Variants in PIK3R3 observed in about 807,000 individuals in gnomAD.
The protein encoded by PIK3R3 is phosphoinositide-3-kinase regulatory subunit 3.
PIK3R3 carries 64 observed loss-of-function variants against 62.9 expected under a neutral mutation model. The observed-to-expected ratio is 1.02, with a 90% CI of 0.83 to 1.25. The LOEUF is 1.25. Ranked by LOEUF, PIK3R3 falls within the 50% of genes most tolerant of loss-of-function variation. PIK3R3 has a pLI of 0.00. For missense variants in PIK3R3, 614 were observed against 561.6 expected (o/e 1.09, Z -0.94); for synonymous variants, 165 against 189.0 (o/e 0.87, Z 1.04).
At chr1:46,071,761 C>CGAGCGA (rs1474763937) in intron 3 of PIK3R3, among the ~76,000 whole-genome samples, 3 of 112,618 alleles carry the variant, frequency 2.7e-5, no homozygotes, top group African/African-American at 7.2e-5. Context: ...AGAGAGAGAG[C>CGAGCGA]GCGCGCCTGA....
intron 5 of PIK3R3, among the ~76,000 whole-genome samples, chr1:46,063,376 T>C (rs1351147239): frequency 6.6e-6 from 1 of 152,226 alleles, no homozygotes; most frequent in Non-Finnish European, 1.5e-5. Context: ...TAAGATTACA[T>C]CATATGTATC....
chr1:46,078,704 A>G (rs1266213754), intron 2 of PIK3R3, among the ~76,000 whole-genome samples: 1 of 152,234 alleles, frequency 6.6e-6, no homozygotes, highest in Non-Finnish European at 1.5e-5. Context: ...TAATTGCAGC[A>G]TTATTTACAA....
Position 46,043,841 on chromosome 1 carries a change from G to T in PIK3R3, c.1218C>A (p.Ile406=). 6.2e-7 allele frequency: 1 copy of T among 1,613,988 alleles called. No homozygotes were observed. Among genetic ancestry groups the T allele is most frequent in the Non-Finnish European group, 8.5e-7 (1 of 1,179,958 alleles). ...VADGEVKHCV[I]YSTARGYGFA... ...AGCCATAGCCCCGAGCAGTGCTGTA[G>T]ATCACACAGTGCTTCACTTCCCCAT... Residue 406 remains isoleucine (I), a synonymous_variant, in exon 10 of 10, where the codon ATC becomes ATA. Transcript: ENST00000262741.
At chr1:46,110,869 G>GT (rs1296893080) in intron 1 of PIK3R3, among the ~76,000 whole-genome samples, 26 of 117,420 alleles carry the variant, frequency 2.2e-4, no homozygotes, top group African/African-American at 5.7e-4. Context: ...AGAAAAAGTT[G>GT]GTTTTTTTTT....
Position 46,041,398 on chromosome 1 carries a change from GA to G in PIK3R3, c.*2274del. On this transcript the variant is annotated 3_prime_UTR_variant, in exon 10 of 10. Transcript: ENST00000262741. ...AAAAAAAATGAAGGAATGTAGGACT[GA>G]AAAAAAGCAGCCCTTCTCCACAAGC... 1.2e-5 allele frequency: 2 copies of G among 172,640 alleles called. No individual in the cohort carries two copies. Among genetic ancestry groups the G allele is most frequent in the East Asian group, 1.1e-4 (1 of 9,452 alleles). 10.7% of individuals were successfully genotyped at this position (172,640 alleles called of 1,614,324 possible).
At position 46,132,594 on chromosome 1, in the gene PIK3R3, C is replaced by G. The variant is rs1008120195; in HGVS notation, c.-642G>C. 3 of 1,288,960 alleles carry G rather than the reference C, an allele frequency of 2.3e-6. No homozygotes were observed. 79.8% of individuals were successfully genotyped at this position (1,288,960 alleles called of 1,614,324 possible). On this transcript the variant is annotated 5_prime_UTR_variant, in exon 1 of 10. Coordinates refer to ENST00000262741, the MANE Select transcript of PIK3R3 (RefSeq NM_003629.4). Reference sequence around the variant, plus strand: ...GGCGCTCCCGCCGGGGTGTAAGAACCAACCCGACCGCACCAACTGCCCTCA... The same window carrying G: ...GGCGCTCCCGCCGGGGTGTAAGAACGAACCCGACCGCACCAACTGCCCTCA...
chr1:46,165,708 G>T, the PIK3R3 span, among the ~76,000 whole-genome samples: 1 of 138,788 alleles, frequency 7.2e-6, no homozygotes, highest in Non-Finnish European at 1.6e-5. Flanking sequence ...TGAAACCCAG[G>T]TCTATTTATT....
chr1:46,066,175 T>G lies in PIK3R3; in HGVS notation c.500A>C (p.Gln167Pro). ...ATCAATATTATCTTCTTTTACCAAC[T>G]GATCCTATACAGGTAAAGAAAAAAA... is the stretch of plus-strand genomic sequence containing the variant. ...MYPVSRYQQDQLVKEDNIDAV... is the reference protein window; with the variant it reads ...MYPVSRYQQDPLVKEDNIDAV... The change falls in exon 5 of 10, where the codon CAG (glutamine) becomes CCG (proline). Residue 167 changes from glutamine (Q) to proline (P), a missense_variant. By Grantham distance (76) the Gln-to-Pro change is moderately conservative. Coordinates refer to ENST00000262741, the MANE Select transcript of PIK3R3 (RefSeq NM_003629.4). 1 of 1,568,934 alleles carries G rather than the reference T, an allele frequency of 6.4e-7. No individual in the cohort carries two copies. Among genetic ancestry groups the G allele is most frequent in the Non-Finnish European group, 8.8e-7 (1 of 1,140,264 alleles).
At chr1:46,063,181 A>G (rs1360504601) in intron 5 of PIK3R3, among the ~76,000 whole-genome samples, 1 of 152,248 alleles carries the variant, frequency 6.6e-6, no homozygotes, top group Non-Finnish European at 1.5e-5. Context: ...AGGAGGTGAC[A>G]CTTAAGCTAG....
At chr1:46,115,914 C>T (rs1341272766) in intron 1 of PIK3R3, among the ~76,000 whole-genome samples, 2 of 151,962 alleles carry the variant, frequency 1.3e-5, no homozygotes, top group African/African-American at 2.4e-5. Flanking sequence ...CAGGTACTCA[C>T]GGAATAGAAA....
chr1:46,145,064 A>C, the PIK3R3 span, among the ~76,000 whole-genome samples: 2 of 150,512 alleles, frequency 1.3e-5, no homozygotes, highest in African/African-American at 4.9e-5. Flanking sequence ...CGGAGGTTGT[A>C]GTGAGCTAAG....
At chr1:46,046,141 C>T (rs1371465354) in intron 8 of PIK3R3, 53 bp from the exon 9 acceptor site, 19 of 1,067,816 alleles carry the variant, frequency 1.8e-5, no homozygotes, top group South Asian at 1.2e-4. Context: ...TATCTAAAAG[C>T]AAATTCATAA....
At chr1:46,067,117 G>C in intron 3 of PIK3R3, 26 bp from the exon 4 acceptor site, 1 of 1,502,224 alleles carries the variant, frequency 6.7e-7, no homozygotes, top group Non-Finnish European at 8.9e-7. Context: ...CAACAACTGT[G>C]GATTTTTTTC....
At chr1:46,163,303 C>T in the PIK3R3 span, among the ~76,000 whole-genome samples, 2 of 152,076 alleles carry the variant, frequency 1.3e-5, no homozygotes, top group African/African-American at 4.8e-5. Context: ...TTGTGCTGAC[C>T]CTGATATGAA....
intron 5 of PIK3R3, among the ~76,000 whole-genome samples, chr1:46,065,721 A>T (rs1648923671): frequency 6.6e-6 from 1 of 152,252 alleles, no homozygotes; most frequent in Non-Finnish European, 1.5e-5. Context: ...CACAGATAGC[A>T]AAGCATCAAG....
Position 46,079,425 on chromosome 1 carries a change from C to T in PIK3R3, c.215+1217G>A, listed in dbSNP as rs566613464. ...ACTGGGGTGTGTAAAGAGACTGCAT[C>T]AAATTCACCCAGGGAATCTATTAAA... On this transcript the variant is annotated intron_variant, in intron 2 of 9. Transcript: ENST00000262741. Among the ~76,000 whole-genome samples, 40 of 152,262 alleles carry T rather than the reference C, an allele frequency of 2.6e-4. 1 individual carries two copies. The highest frequency in any genetic ancestry group is 8.7e-4 in the African/African-American group (36 of 41,560).
At chr1:46,128,605 A>C (rs370036684) in intron 1 of PIK3R3, among the ~76,000 whole-genome samples, 1 of 152,226 alleles carries the variant, frequency 6.6e-6, no homozygotes, top group Admixed American at 6.5e-5. Flanking sequence ...AAAGACTAGA[A>C]GGAAACAATG....
intron 1 of PIK3R3, among the ~76,000 whole-genome samples, chr1:46,120,660 C>A (rs1235087517): frequency 2.0e-5 from 3 of 152,164 alleles, no homozygotes; most frequent in Non-Finnish European, 4.4e-5. Flanking sequence ...TGTTTATTGA[C>A]AAAGACAATA....
chr1:46,147,442 G>A, the PIK3R3 span, among the ~76,000 whole-genome samples: 4 of 149,530 alleles, frequency 2.7e-5, no homozygotes, highest in African/African-American at 4.9e-5. Flanking sequence ...GTTTTGAGAC[G>A]GAGTCTCGCT....
Sources: gnomAD v4.1 joint callset for allele counts (sites outside exome capture counted in the v4.1 genomes callset) on GRCh38, gnomAD v4.1.1 for gene constraint, MANE v1.5 for transcripts, NCBI Gene and HGNC (gene_info 2026-07-23, HGNC 2026-07-21) for gene names.